Variants in XKR4 observed in about 807,000 individuals in gnomAD.
XKR4 encodes XK related 4, also known as XK-related protein 4.
Under a neutral mutation model 53.9 loss-of-function variants are expected in XKR4, and 12 were observed. The ratio of observed to expected loss-of-function variants is 0.22; its 90% CI spans 0.14 to 0.36. The LOEUF (loss-of-function observed/expected upper bound fraction) is 0.36. XKR4 is among the 10% of genes least tolerant of loss of function. XKR4 has a pLI of 1.00. For missense variants in XKR4, 799 were observed against 859.5 expected (o/e 0.93, Z 0.88); for synonymous variants, 354 against 362.4 (o/e 0.98, Z 0.26).
chr8:55,367,407 G>A (rs569861492), intron 2 of XKR4, among the ~76,000 whole-genome samples: 138 of 152,288 alleles, frequency 9.1e-4, no homozygotes, highest in African/African-American at 3.1e-3. Flanking sequence ...CAGCTTAGGA[G>A]TAATATGGTT....
intron 2 of XKR4, among the ~76,000 whole-genome samples, chr8:55,414,601 CTATT>C (rs1238136604): frequency 6.6e-6 from 1 of 150,920 alleles, no homozygotes; most frequent in African/African-American, 2.4e-5. Context: ...GTACTATATT[CTATT>C]TAAGTCCAGC....
At chr8:55,374,132 G>T (rs935993674) in intron 2 of XKR4, among the ~76,000 whole-genome samples, 2 of 152,214 alleles carry the variant, frequency 1.3e-5, no homozygotes, top group African/African-American at 2.4e-5. Context: ...CCAAAGACAG[G>T]CTGCAGTGTC....
At chr8:55,241,858 A>G (rs746887390) in intron 1 of XKR4, among the ~76,000 whole-genome samples, 2 of 152,202 alleles carry the variant, frequency 1.3e-5, no homozygotes, top group Non-Finnish European at 2.9e-5. Flanking sequence ...GACCTAGACT[A>G]TAATAATGAT....
At chr8:55,320,589 T>C (rs556622171) in intron 1 of XKR4, among the ~76,000 whole-genome samples, 1 of 152,296 alleles carries the variant, frequency 6.6e-6, no homozygotes, top group South Asian at 2.1e-4. Context: ...AGATGTTAAA[T>C]TAGGGGCATT....
At chr8:55,337,831 A>C (rs144252973) in intron 1 of XKR4, among the ~76,000 whole-genome samples, 78 of 152,346 alleles carry the variant, frequency 5.1e-4, no homozygotes, top group African/African-American at 1.8e-3. Context: ...TTTTGAGAAC[A>C]GGATAAGTAG....
chr8:55,128,480 G>T (rs1816506521), intron 1 of XKR4, among the ~76,000 whole-genome samples: 1 of 152,182 alleles, frequency 6.6e-6, no homozygotes, highest in Non-Finnish European at 1.5e-5. Context: ...TCATTCATGT[G>T]TCTCTGGATG....
intron 2 of XKR4, chr8:55,454,891 C>G (rs1208697954): frequency 1.3e-6 from 1 of 765,784 alleles, no homozygotes; most frequent in Non-Finnish European, 2.4e-6. Flanking sequence ...GTTTCCTGCT[C>G]CCAGAAGGTC....
chr8:55,449,797 G>T, intron 2 of XKR4: 1 of 1,204,744 alleles, frequency 8.3e-7, no homozygotes, highest in Non-Finnish European at 1.2e-6. Context: ...AGGGCTTCAT[G>T]AAGGCCCCCT....
chr8:55,189,801 G>A (rs984913246), intron 1 of XKR4, among the ~76,000 whole-genome samples: 3 of 152,136 alleles, frequency 2.0e-5, no homozygotes, highest in African/African-American at 7.2e-5. Flanking sequence ...GCCACCATTT[G>A]TTCTATGCTG....
At chr8:55,352,885 T>A (rs1243895992) in intron 1 of XKR4, among the ~76,000 whole-genome samples, 1 of 152,158 alleles carries the variant, frequency 6.6e-6, no homozygotes, top group East Asian at 1.9e-4. Context: ...CAGATGTAAG[T>A]AGTAAAGGCC....
At chr8:55,505,733 G>A (rs750469525) in intron 2 of XKR4, among the ~76,000 whole-genome samples, 1 of 152,138 alleles carries the variant, frequency 6.6e-6, no homozygotes, top group African/African-American at 2.4e-5. Context: ...GTGGCCTAAT[G>A]TATGGTCTAT....
chr8:55,239,850 C>T (rs1017868928), intron 1 of XKR4, among the ~76,000 whole-genome samples: 1 of 152,198 alleles, frequency 6.6e-6, no homozygotes, highest in African/African-American at 2.4e-5. Flanking sequence ...GTTGATACTT[C>T]AAGGCAGCTC....
chr8:55,173,211 C>G, intron 1 of XKR4, among the ~76,000 whole-genome samples: 1 of 152,246 alleles, frequency 6.6e-6, no homozygotes, highest in South Asian at 2.1e-4. Context: ...GGCCCCCTTT[C>G]CAGCATTGTG....
intron 2 of XKR4, among the ~76,000 whole-genome samples, chr8:55,495,535 T>A (rs1277706174): frequency 6.6e-6 from 1 of 152,184 alleles, no homozygotes; most frequent in Non-Finnish European, 1.5e-5. Flanking sequence ...GGCACGCAGC[T>A]CAGCCCAGCC....
At chr8:55,282,680 A>T (rs1818858936) in intron 1 of XKR4, among the ~76,000 whole-genome samples, 1 of 152,108 alleles carries the variant, frequency 6.6e-6, no homozygotes, top group Non-Finnish European at 1.5e-5. Flanking sequence ...CCTACCTCCA[A>T]CATTGGGGAT....
rs950280418 is a variant in XKR4 at position 55,477,493 on chromosome 8, G to C, written c.1007-45788G>C. Among the ~76,000 whole-genome samples, 11 of 152,282 alleles carry C rather than the reference G, an allele frequency of 7.2e-5. No homozygotes were observed. In the East Asian group the frequency reaches 1.9e-3, roughly 27 times the overall value. On this transcript the variant is annotated intron_variant, in intron 2 of 2. Coordinates refer to ENST00000327381, the MANE Select transcript of XKR4 (RefSeq NM_052898.2). ...GAAAAACTGGAAACTCTAAAAAGCA[G>C]AGCGCCTCTCTTCCTCCAAAGGAAT... is the stretch of plus-strand genomic sequence containing the variant.
intron 2 of XKR4, among the ~76,000 whole-genome samples, chr8:55,402,275 A>G (rs1316832113): frequency 6.6e-6 from 1 of 152,212 alleles, no homozygotes; most frequent in African/African-American, 2.4e-5. Context: ...AGAGATTGGA[A>G]CTGCTCTGTG....
chr8:55,310,436 A>G (rs926829064), intron 1 of XKR4, among the ~76,000 whole-genome samples: 2 of 152,238 alleles, frequency 1.3e-5, no homozygotes, highest in Admixed American at 6.5e-5. Context: ...GTCATTTAGC[A>G]TAGCACCTGA....
intron 1 of XKR4, among the ~76,000 whole-genome samples, chr8:55,120,630 C>T (rs1395076943): frequency 6.6e-6 from 1 of 151,966 alleles, no homozygotes; most frequent in East Asian, 1.9e-4. Context: ...CATATGCCCT[C>T]TTCCCCTTCT....
Sources: gnomAD v4.1 joint callset for allele counts (sites outside exome capture counted in the v4.1 genomes callset) on GRCh38, gnomAD v4.1.1 for gene constraint, MANE v1.5 for transcripts, NCBI Gene and HGNC (gene_info 2026-07-23, HGNC 2026-07-21) for gene names.